Variants in GALNT13 observed in about 807,000 individuals in gnomAD.
GALNT13 encodes UDP-GalNAc:polypeptide N-acetylgalactosaminyltransferase 13.
GALNT13 carries 28 observed loss-of-function variants against 64.2 expected under a neutral mutation model. The ratio of observed to expected loss-of-function variants is 0.44; its 90% CI spans 0.32 to 0.60. The LOEUF (loss-of-function observed/expected upper bound fraction) is 0.60. GALNT13 is among the 20% of genes least tolerant of loss of function. The pLI is 0.05. For missense variants in GALNT13, 577 were observed against 669.8 expected, an observed-to-expected ratio of 0.86 and a Z score of 1.53; for synonymous variants, 214 against 224.6, an observed-to-expected ratio of 0.95 and a Z score of 0.42.
In GALNT13 at chr2:153,908,376, C is replaced by T. The variant is rs1337823847; in HGVS notation, c.-105+7369C>T. On this transcript the variant is annotated intron_variant, in intron 2 of 12. Transcript: ENST00000392825. ...TCTGTTGATAGTTTCTTTTTCTGCA[C>T]AGAAGCTCTTCAGTTGAGTTAGATC... Among the ~76,000 whole-genome samples, 6 of 152,172 alleles carry T rather than the reference C, an allele frequency of 3.9e-5. No individual in the cohort carries two copies. The East Asian group carries it at 9.6e-4, about 24-fold the overall frequency.
intron 12 of GALNT13, among the ~76,000 whole-genome samples, chr2:154,441,359 C>T (rs913766543): frequency 5.3e-5 from 8 of 152,194 alleles, no homozygotes; most frequent in East Asian, 3.9e-4. Context: ...AAAGTAAATG[C>T]GCACTGCTTA....
At chr2:154,291,055 GAAGAGCAAAAGAACA>G (rs1191328647) in intron 8 of GALNT13, among the ~76,000 whole-genome samples, 1 of 152,080 alleles carries the variant, frequency 6.6e-6, no homozygotes, top group African/African-American at 2.4e-5. Flanking sequence ...GATCTATCGT[GAAGAGCAAAAGAACA>G]AACCTTCCAC....
chr2:154,283,213 GA>G (rs1388713237), intron 8 of GALNT13, among the ~76,000 whole-genome samples: 4 of 151,938 alleles, frequency 2.6e-5, no homozygotes, highest in African/African-American at 9.7e-5. Flanking sequence ...TACTGATAGG[GA>G]TTTTTTTTTA....
chr2:153,267,303 C>T, the GALNT13 span, among the ~76,000 whole-genome samples: 6 of 152,140 alleles, frequency 3.9e-5, no homozygotes, highest in Non-Finnish European at 7.4e-5. Context: ...TGTGTGGGGG[C>T]TCCACCCCAC....
the GALNT13 span, among the ~76,000 whole-genome samples, chr2:153,589,378 A>G: frequency 0.16 from 23,701 of 152,114 alleles, 1,962 homozygotes; most frequent in African/African-American, 0.2. Flanking sequence ...GCCATGTAAC[A>G]AGTCTTTAGG....
At chr2:153,367,892 A>C in the GALNT13 span, among the ~76,000 whole-genome samples, 1 of 152,098 alleles carries the variant, frequency 6.6e-6, no homozygotes, top group Non-Finnish European at 1.5e-5. Context: ...CAGAAGAATA[A>C]AAAAGAAACA....
At chr2:153,666,621 C>G in the GALNT13 span, among the ~76,000 whole-genome samples, 97 of 152,294 alleles carry the variant, frequency 6.4e-4, no homozygotes, top group African/African-American at 2.2e-3. Flanking sequence ...ATACCACCAT[C>G]GAACCCTCAG....
At chr2:153,671,805 C>A in the GALNT13 span, among the ~76,000 whole-genome samples, 1 of 151,972 alleles carries the variant, frequency 6.6e-6, no homozygotes, top group African/African-American at 2.4e-5. Context: ...TTCAGGAGAC[C>A]CATCTCATGT....
At chr2:153,775,764 A>G in the GALNT13 span, among the ~76,000 whole-genome samples, 1 of 152,172 alleles carries the variant, frequency 6.6e-6, no homozygotes, top group East Asian at 1.9e-4. Flanking sequence ...GAATCACATC[A>G]TCTTTCTAGA....
At chr2:154,113,622 C>T (rs2105496862) in intron 3 of GALNT13, among the ~76,000 whole-genome samples, 1 of 152,324 alleles carries the variant, frequency 6.6e-6, no homozygotes, top group African/African-American at 2.4e-5. Context: ...ATTTCCCATC[C>T]TCTGGCACTC....
At chr2:153,392,918 T>C in the GALNT13 span, among the ~76,000 whole-genome samples, 1 of 151,954 alleles carries the variant, frequency 6.6e-6, no homozygotes, top group East Asian at 1.9e-4. Context: ...CCAAGGGAGA[T>C]TGTTAGCCAT....
At chr2:153,508,409 T>C in the GALNT13 span, among the ~76,000 whole-genome samples, 1 of 152,020 alleles carries the variant, frequency 6.6e-6, no homozygotes, top group East Asian at 1.9e-4. Flanking sequence ...GATGGTGGTG[T>C]GGTTGGTTCC....
the GALNT13 span, among the ~76,000 whole-genome samples, chr2:153,074,803 T>C: frequency 6.6e-6 from 1 of 152,212 alleles, no homozygotes; most frequent in African/African-American, 2.4e-5. Flanking sequence ...GACACGAACA[T>C]AACTCACTGC....
At chr2:153,166,851 G>T in the GALNT13 span, among the ~76,000 whole-genome samples, 2 of 152,140 alleles carry the variant, frequency 1.3e-5, no homozygotes, top group African/African-American at 4.8e-5. Context: ...CAGTGGGGAG[G>T]CCCATATGGC....
At chr2:153,129,989 A>T in the GALNT13 span, among the ~76,000 whole-genome samples, 1 of 152,204 alleles carries the variant, frequency 6.6e-6, no homozygotes, top group African/African-American at 2.4e-5. Flanking sequence ...TGAGGATGAC[A>T]GGCCTTTCCA....
the GALNT13 span, among the ~76,000 whole-genome samples, chr2:153,820,775 G>A: frequency 2.0e-5 from 3 of 151,282 alleles, no homozygotes; most frequent in African/African-American, 7.3e-5. Context: ...TAAGTATATA[G>A]CCAACATACC....
chr2:153,893,983 G>T (rs1403624874), intron 1 of GALNT13, among the ~76,000 whole-genome samples: 1 of 152,048 alleles, frequency 6.6e-6, no homozygotes, highest in Non-Finnish European at 1.5e-5. Context: ...TTTATTGTGT[G>T]TTTACTGGGA....
chr2:153,152,732 A>G, the GALNT13 span, among the ~76,000 whole-genome samples: 1 of 152,140 alleles, frequency 6.6e-6, no homozygotes, highest in South Asian at 2.1e-4. Context: ...TGCAAAGGAT[A>G]TGATCTCCTT....
At chr2:153,192,844 G>C in the GALNT13 span, among the ~76,000 whole-genome samples, 22 of 151,730 alleles carry the variant, frequency 1.4e-4, no homozygotes, top group African/African-American at 4.8e-4. Flanking sequence ...TGTTTGCATA[G>C]AATATTTTTT....
Sources: allele counts gnomAD v4.1 joint callset (sites outside exome capture counted in the v4.1 genomes callset), GRCh38; gene constraint gnomAD v4.1.1; transcripts MANE v1.5; gene names NCBI Gene and HGNC (gene_info 2026-07-23, HGNC 2026-07-21).